Variants in NBEAL1 observed in about 807,000 individuals in gnomAD.
The protein encoded by NBEAL1 is neurobeachin like 1, also known as neurobeachin-like protein 1.
NBEAL1 carries 273 observed loss-of-function variants against 351.3 expected under a neutral mutation model. That is an observed-to-expected ratio of 0.78 (90% CI 0.70 to 0.86). The LOEUF is 0.86. Ranked by LOEUF, NBEAL1 falls within the 40% of genes least tolerant of loss-of-function variation. The probability of loss-of-function intolerance (pLI) is 0.00; values close to 1 mark genes in which losing one functional copy is unlikely to be tolerated. For missense variants in NBEAL1, 2,961 were observed against 3,201.3 expected, an observed-to-expected ratio of 0.92 and a Z score of 1.81; for synonymous variants, 1,050 against 1,086.4, an observed-to-expected ratio of 0.97 and a Z score of 0.66.
intron 19 of NBEAL1, among the ~76,000 whole-genome samples, chr2:203,123,625 T>G (rs1037165941): frequency 6.6e-6 from 1 of 152,174 alleles, no homozygotes; most frequent in African/African-American, 2.4e-5. Flanking sequence ...TGAGCCACCA[T>G]GCCCGGCCAG....
At chr2:203,015,315 G>T (rs1186180632) in intron 1 of NBEAL1, among the ~76,000 whole-genome samples, 2 of 152,150 alleles carry the variant, frequency 1.3e-5, no homozygotes, top group African/African-American at 4.8e-5. Flanking sequence ...CGGTGTGTGC[G>T]TGCCCACTTC....
rs1246794236 is a variant in NBEAL1 at position 203,169,747 on chromosome 2, G to C, written c.5998G>C (p.Val2000Leu). The C allele has an allele frequency of 2.5e-6, 4 of 1,583,194 alleles. No homozygotes were observed. ...AAGTATAAAATGCTGTTTTTTATAG[G>C]TTAGAAACAAAATATATAGCCGACT... The part of the protein sequence containing the change: ...SNYFLNFKKE[V>L]RNKIYSRLLS... The change falls in exon 39 of 56, where the codon GTT becomes CTT. Residue 2000 changes from valine (V) to leucine (L), a missense_variant and splice_region_variant. Transcript: ENST00000683969.
rs372102920 is a variant in NBEAL1 at position 203,151,515 on chromosome 2, G to T, written c.5513G>T (p.Arg1838Leu). The change falls in exon 35 of 56, where the codon CGC becomes CTC. Residue 1838 changes from arginine to leucine, a missense_variant. Transcript: ENST00000683969. ...CTAGCTAATGTAGAGAATTATTCCC[G>T]CATGAGACTTAAGCTGGTACCGAAT... ...WKLANVENYS[R>L]MRLKLVPNYN... The T allele has an allele frequency of 1.9e-6, 3 of 1,609,304 alleles. No homozygotes were observed. Among genetic ancestry groups the T allele is most frequent in the Non-Finnish European group, 1.7e-6 (2 of 1,177,478 alleles).
chr2:203,224,300 G>A lies in NBEAL1; in HGVS notation c.*6946G>A, dbSNP rs2065985661. 6.6e-6 allele frequency among the ~76,000 whole-genome samples: 1 copy of A among 152,042 alleles called. No individual in the cohort carries two copies. Among genetic ancestry groups the A allele is most frequent in the South Asian group, 2.1e-4 (1 of 4,822 alleles). ...AAGAAAACTTCTTAGAAAACTATGT[G>A]GCTGGTTGGTTCCATTTAGAAACTC... On this transcript the variant is annotated 3_prime_UTR_variant, in exon 56 of 56. Transcript: ENST00000683969.
intron 11 of NBEAL1, among the ~76,000 whole-genome samples, chr2:203,098,419 TC>T (rs2062231270): frequency 6.6e-6 from 1 of 152,176 alleles, no homozygotes; most frequent in African/African-American, 2.4e-5. Flanking sequence ...GTTTTAGATT[TC>T]TGTATAAATG....
At chr2:203,051,034 T>C (rs924145347) in intron 4 of NBEAL1, among the ~76,000 whole-genome samples, 12 of 152,232 alleles carry the variant, frequency 7.9e-5, no homozygotes, top group Admixed American at 1.3e-4. Context: ...ATAAATATTT[T>C]ATAATTAATT....
intron 36 of NBEAL1, among the ~76,000 whole-genome samples, chr2:203,160,329 C>T (rs888490930): frequency 4.6e-5 from 7 of 152,174 alleles, no homozygotes; most frequent in Non-Finnish European, 1.0e-4. Context: ...GATCCACCCG[C>T]CTCGGCTTCC....
chr2:203,219,921 A>C lies in NBEAL1; in HGVS notation c.*2567A>C, dbSNP rs894761161. On this transcript the variant is annotated 3_prime_UTR_variant, in exon 56 of 56. Coordinates refer to ENST00000683969, the MANE Select transcript of NBEAL1 (RefSeq NM_001378026.1). The stretch of plus-strand genomic sequence containing the variant: ...TTTGAGAATACTAGCAACAGTCTAG[A>C]GAATGGAACTTAAATTTTATCTGTT... The C allele has an allele frequency of 3.9e-5, 6 of 152,302 alleles. No individual in the cohort carries two copies. Among genetic ancestry groups the C allele is most frequent in the Admixed American group, 1.3e-4 (2 of 15,288 alleles). The allele number at this position is 152,302 out of a possible 1,614,324, so 9.4% of individuals were successfully genotyped here. A position where few individuals can be genotyped will look rare whatever the true frequency, so the allele number is the denominator to read the frequency against.
chr2:203,044,815 G>A (rs1281423536), intron 3 of NBEAL1, among the ~76,000 whole-genome samples: 8 of 152,114 alleles, frequency 5.3e-5, no homozygotes, highest in Admixed American at 2.0e-4. Flanking sequence ...ATAATGTAAA[G>A]CAGAGATGGC....
intron 36 of NBEAL1, 54 bp from the exon 37 acceptor site, chr2:203,166,091 CTATT>C: frequency 7.1e-7 from 1 of 1,415,604 alleles, no homozygotes; most frequent in Non-Finnish European, 9.4e-7. Context: ...GCATTCTTTT[CTATT>C]TAAGAAAAAT....
intron 47 of NBEAL1, among the ~76,000 whole-genome samples, chr2:203,196,140 A>G (rs1227567178): frequency 6.6e-6 from 1 of 152,194 alleles, no homozygotes; most frequent in Non-Finnish European, 1.5e-5. Flanking sequence ...GCAATACTAT[A>G]TTTCTTCTAT....
At chr2:203,188,322 C>A in intron 44 of NBEAL1, 150 bp from the exon 45 acceptor site, 2 of 474,952 alleles carry the variant, frequency 4.2e-6, no homozygotes, top group Non-Finnish European at 7.4e-6. Flanking sequence ...TGAATAAATG[C>A]TTGCCATTAT....
chr2:203,064,675 A>G (rs1372758837), intron 6 of NBEAL1, among the ~76,000 whole-genome samples: 1 of 152,200 alleles, frequency 6.6e-6, no homozygotes, highest in Non-Finnish European at 1.5e-5. Flanking sequence ...AAAATATCAC[A>G]AAGTGGGGTT....
intron 12 of NBEAL1, among the ~76,000 whole-genome samples, chr2:203,100,548 C>CTTTTTT (rs201429973): frequency 1.5e-5 from 2 of 137,318 alleles, no homozygotes; most frequent in African/African-American, 2.7e-5. Flanking sequence ...GTTTTCTTTT[C>CTTTTTT]TTTTTTTTTT....
At chr2:203,034,927 A>G (rs907862144) in intron 2 of NBEAL1, among the ~76,000 whole-genome samples, 3 of 149,442 alleles carry the variant, frequency 2.0e-5, no homozygotes, top group Non-Finnish European at 3.0e-5. Flanking sequence ...TTAAAATTCA[A>G]TTCATATTTA....
At chr2:203,089,204 C>CA (rs1251389044) in intron 10 of NBEAL1, among the ~76,000 whole-genome samples, 1 of 151,860 alleles carries the variant, frequency 6.6e-6, no homozygotes, top group Non-Finnish European at 1.5e-5. Flanking sequence ...ATTAAAAATA[C>CA]AAAAATTAGC....
chr2:203,122,993 A>G (rs573028398), intron 19 of NBEAL1, among the ~76,000 whole-genome samples: 4 of 152,280 alleles, frequency 2.6e-5, no homozygotes, highest in African/African-American at 9.6e-5. Context: ...TAATTCTTAA[A>G]TATAGTGTTT....
At chr2:203,159,212 G>A (rs1381993964) in intron 36 of NBEAL1, among the ~76,000 whole-genome samples, 1 of 151,930 alleles carries the variant, frequency 6.6e-6, no homozygotes, top group African/African-American at 2.4e-5. Context: ...GTTAATCCAG[G>A]TATATCTCAC....
intron 51 of NBEAL1, among the ~76,000 whole-genome samples, chr2:203,206,944 G>GCCCGGCCGCCAT (rs1271636251): frequency 2.6e-5 from 4 of 151,648 alleles, no homozygotes; most frequent in Non-Finnish European, 5.9e-5. Flanking sequence ...GAGCGTCTCT[G>GCCCGGCCGCCAT]CCCGGCCGCC....
Sources: gnomAD v4.1 joint callset for allele counts (sites outside exome capture counted in the v4.1 genomes callset) on GRCh38, gnomAD v4.1.1 for gene constraint, MANE v1.5 for transcripts, NCBI Gene and HGNC (gene_info 2026-07-23, HGNC 2026-07-21) for gene names.